The following IREB2 variants were observed in gnomAD, a reference collection of about 807,000 sequenced individuals.
IREB2 encodes the protein iron-responsive element-binding protein 2.
IREB2 carries 39 observed loss-of-function variants against 118.8 expected under a neutral mutation model. The observed-to-expected ratio is 0.33, with a 90% CI of 0.25 to 0.43. The LOEUF is 0.43. IREB2 is among the 20% of genes least tolerant of loss of function. The pLI is 1.00. For synonymous variants in IREB2, 372 were observed against 392.2 expected (o/e 0.95, Z 0.61); for missense variants, 900 against 1,147.3 (o/e 0.78, Z 3.11).
chr15:78,445,136 A>ATTT (rs200250924), intron 2 of IREB2, among the ~76,000 whole-genome samples: 17 of 123,444 alleles, frequency 1.4e-4, no homozygotes, highest in South Asian at 2.7e-4. Flanking sequence ...TCCAGTCTTT[A>ATTT]TTTTTTTTTT....
At chr15:78,438,016 G>A (rs1466842535), upstream of IREB2, among the ~76,000 whole-genome samples, 1 of 152,202 alleles carries the variant, frequency 6.6e-6, no homozygotes, top group Non-Finnish European at 1.5e-5. Context: ...AACTAGCCAC[G>A]CCAACGCCCC....
At chr15:78,449,896 T>G (rs2050994985) in intron 2 of IREB2, among the ~76,000 whole-genome samples, 1 of 152,222 alleles carries the variant, frequency 6.6e-6, no homozygotes, top group Non-Finnish European at 1.5e-5. Context: ...AGAAGTGTGA[T>G]GACACGAATT....
At chr15:78,462,802 AT>A (rs1244513244) in intron 2 of IREB2, 119 bp from the exon 3 acceptor site, 26 of 695,322 alleles carry the variant, frequency 3.7e-5, no homozygotes, top group Admixed American at 2.9e-4. Flanking sequence ...CTAAAAATGA[AT>A]TGTTTAAATT....
At chr15:78,488,462 T>C in intron 15 of IREB2, 126 bp downstream of exon 15, 1 of 984,958 alleles carries the variant, frequency 1.0e-6, no homozygotes, top group Non-Finnish European at 1.5e-6. Flanking sequence ...TGATAATGTA[T>C]AGTTATTAAT....
intron 8 of IREB2, chr15:78,475,914 G>A (rs2051461807): frequency 4.1e-6 from 1 of 242,160 alleles, no homozygotes; most frequent in African/African-American, 2.2e-5. Context: ...GAGGTACCCT[G>A]ATTTCAAAGA....
chr15:78,472,015 C>A, intron 7 of IREB2, 91 bp downstream of exon 7: 2 of 902,920 alleles, frequency 2.2e-6, no homozygotes, highest in Non-Finnish European at 3.2e-6. Flanking sequence ...TTTGTATAGC[C>A]TCTTTGAGGC....
chr15:78,444,251 T>A (rs2568488), intron 2 of IREB2, among the ~76,000 whole-genome samples: 118,499 of 151,932 alleles, frequency 0.78, 46,511 homozygotes, highest in African/African-American at 0.85. Context: ...TTTTAAGGAG[T>A]GGAGAAATCA....
At chr15:78,496,626 A>G (rs1041323202) in intron 20 of IREB2, among the ~76,000 whole-genome samples, 1 of 151,936 alleles carries the variant, frequency 6.6e-6, no homozygotes. Flanking sequence ...ACAGGGTCTC[A>G]CTATATTGCC....
At chr15:78,487,050 C>T (rs1262916142) in intron 13 of IREB2, among the ~76,000 whole-genome samples, 1 of 152,054 alleles carries the variant, frequency 6.6e-6, no homozygotes, top group African/African-American at 2.4e-5. Flanking sequence ...GACTTTTTTG[C>T]TTTTAGAATA....
intron 2 of IREB2, among the ~76,000 whole-genome samples, chr15:78,450,848 G>A (rs957135988): frequency 6.6e-6 from 1 of 151,384 alleles, no homozygotes; most frequent in Non-Finnish European, 1.5e-5. Flanking sequence ...GTGTGTGTGT[G>A]TGTGTGTGTG....
At chr15:78,445,618 T>A (rs749675737) in intron 2 of IREB2, among the ~76,000 whole-genome samples, 11 of 152,160 alleles carry the variant, frequency 7.2e-5, no homozygotes, top group Non-Finnish European at 1.5e-4. Flanking sequence ...GTTTCCTTAT[T>A]TTCTGTTTCT....
In IREB2 at chr15:78,466,452, C is replaced by G. The variant is rs1037178993; in HGVS notation, c.592C>G (p.Pro198Ala). The G allele has an allele frequency of 1.2e-6, 2 of 1,613,874 alleles. No homozygotes were observed. Among genetic ancestry groups the G allele is most frequent in the African/African-American group, 1.3e-5 (1 of 74,924 alleles). ...ATTTTCTTCGCAGATTGAGAATACA[C>G]CCATCCTGTGTCCTTTTCATTTGCA... is the stretch of plus-strand genomic sequence containing the variant. ...GTFSSQIENT[P>A]ILCPFHLQPV... The change falls in exon 5 of 22, where the codon CCC (proline) becomes GCC (alanine). Residue 198 changes from proline to alanine, a missense_variant. Coordinates refer to ENST00000258886, the MANE Select transcript of IREB2 (RefSeq NM_004136.4).
At chr15:78,495,433 G>A (rs1596018151) in intron 20 of IREB2, among the ~76,000 whole-genome samples, 1 of 152,160 alleles carries the variant, frequency 6.6e-6, no homozygotes, top group African/African-American at 2.4e-5. Flanking sequence ...TACAAGCCAT[G>A]GATGGGGGCT....
At chr15:78,473,158 A>G (rs1377384583) in intron 7 of IREB2, 84 bp from the exon 8 acceptor site, 1 of 1,322,514 alleles carries the variant, frequency 7.6e-7, no homozygotes. Context: ...AGATAAGCTC[A>G]TGAAACACCT....
At chr15:78,495,707 G>C (rs979221183) in intron 20 of IREB2, among the ~76,000 whole-genome samples, 1 of 151,998 alleles carries the variant, frequency 6.6e-6, no homozygotes, top group Non-Finnish European at 1.5e-5. Context: ...GTAAAAATTT[G>C]TAAAAAATGA....
intron 2 of IREB2, among the ~76,000 whole-genome samples, chr15:78,442,721 C>T (rs2050863120): frequency 6.6e-6 from 1 of 152,166 alleles, no homozygotes; most frequent in Admixed American, 6.5e-5. Context: ...TGGGGCTGTG[C>T]AGCACCAATC....
In IREB2 at chr15:78,488,797, T is replaced by C. The variant is rs770296153; in HGVS notation, c.2076+26T>C. 3.8e-6 allele frequency: 5 copies of C among 1,307,740 alleles called. No individual in the cohort carries two copies. In the South Asian group the frequency reaches 5.3e-5, roughly 14 times the overall value. The allele number at this position is 1,307,740 out of a possible 1,614,324, so 81.0% of individuals were successfully genotyped here. A position where few individuals can be genotyped will look rare whatever the true frequency, so the allele number is the denominator to read the frequency against. On this transcript the variant is annotated intron_variant, in intron 16 of 21. Coordinates refer to ENST00000258886, the MANE Select transcript of IREB2 (RefSeq NM_004136.4). ...GTAAGAGTCTTATGTGTTTCTTAAA[T>C]AGTTTAATCAATTTGCAGTGTTCTT...
At chr15:78,454,774 G>A (rs916007168) in intron 2 of IREB2, among the ~76,000 whole-genome samples, 1 of 152,188 alleles carries the variant, frequency 6.6e-6, no homozygotes, top group Non-Finnish European at 1.5e-5. Context: ...GCTCACTGCA[G>A]CCTTGACCTC....
intron 2 of IREB2, among the ~76,000 whole-genome samples, chr15:78,452,747 T>TA (rs998981266): frequency 6.6e-6 from 1 of 151,930 alleles, no homozygotes; most frequent in South Asian, 2.1e-4. Context: ...ATTTCAATTT[T>TA]AAAAAAATGA....
Sources: gnomAD v4.1 joint callset for allele counts (sites outside exome capture counted in the v4.1 genomes callset) on GRCh38, gnomAD v4.1.1 for gene constraint, MANE v1.5 for transcripts, NCBI Gene and HGNC (gene_info 2026-07-23, HGNC 2026-07-21) for gene names.